COL23A1: variants seen among roughly 807,000 people sequenced by gnomAD.
The protein encoded by COL23A1 is collagen type XXIII alpha 1 chain.
COL23A1 carries 97 observed loss-of-function variants against 99.3 expected under a neutral mutation model. The ratio of observed to expected loss-of-function variants is 0.98; its 90% CI spans 0.83 to 1.16. COL23A1 has a LOEUF of 1.16. Among genes scored for constraint, COL23A1 ranks in the 50% most tolerant of loss-of-function variants. COL23A1 has a pLI of 0.00. For synonymous variants in COL23A1, 320 were observed against 308.2 expected (o/e 1.04, Z -0.40); for missense variants, 762 against 757.4 (o/e 1.01, Z -0.07).
rs1204479561 is a variant in COL23A1 at position 178,434,739 on chromosome 5, C to T, written c.361+125943G>A. ...CCTCCCCAACATCTCCACTTCACCG[C>T]TGAGGAAACTGAGGCCTGGGATGGT... On this transcript the variant is annotated intron_variant, in intron 2 of 28. Coordinates refer to ENST00000390654, the MANE Select transcript of COL23A1 (RefSeq NM_173465.4). The surrounding 1 kb of genome is among the most constrained non-coding windows in gnomAD (Gnocchi z 4.3). 2.6e-5 allele frequency among the ~76,000 whole-genome samples: 4 copies of T among 152,228 alleles called. No individual in the cohort carries two copies. The highest frequency in any genetic ancestry group is 9.6e-5 in the African/African-American group (4 of 41,456).
chr5:178,302,496 A>G (rs986760344), intron 3 of COL23A1, among the ~76,000 whole-genome samples: 3 of 152,232 alleles, frequency 2.0e-5, no homozygotes, highest in African/African-American at 7.2e-5. Flanking sequence ...TGTGTGCTGG[A>G]GCACGGCTTC....
At chr5:178,547,565 CCA>C (rs1443922471) in intron 2 of COL23A1, among the ~76,000 whole-genome samples, 2 of 81,536 alleles carry the variant, frequency 2.5e-5, no homozygotes, top group African/African-American at 1.0e-4. Context: ...ATACACACCC[CCA>C]CACACACCTA....
At chr5:178,256,285 G>A in intron 15 of COL23A1, 68 bp downstream of exon 15, 1 of 1,205,904 alleles carries the variant, frequency 8.3e-7, no homozygotes, top group Non-Finnish European at 1.1e-6. Flanking sequence ...TGTGGGGACA[G>A]GGGCTTCTGA....
chr5:178,454,220 C>T (rs1416724373), intron 2 of COL23A1, among the ~76,000 whole-genome samples: 1 of 138,898 alleles, frequency 7.2e-6, no homozygotes, highest in Non-Finnish European at 1.6e-5. Flanking sequence ...ACCAGGTTAA[C>T]AAAGCCAGGC....
intron 2 of COL23A1, among the ~76,000 whole-genome samples, chr5:178,410,685 T>C (rs1188737398): frequency 1.3e-5 from 2 of 152,186 alleles, no homozygotes; most frequent in Non-Finnish European, 2.9e-5. Context: ...AAAACACAGA[T>C]AAATCTTCAT....
chr5:178,505,352 C>A (rs1227838553), intron 2 of COL23A1, among the ~76,000 whole-genome samples: 4 of 152,034 alleles, frequency 2.6e-5, no homozygotes, highest in African/African-American at 9.7e-5. Flanking sequence ...CGGGTTCAAG[C>A]GATTCTCCTG....
intron 4 of COL23A1, among the ~76,000 whole-genome samples, chr5:178,288,908 C>T (rs1433695511): frequency 1.3e-5 from 2 of 152,190 alleles, no homozygotes; most frequent in African/African-American, 4.8e-5. Context: ...AGGTCAGACC[C>T]TTCCAGGTTG....
chr5:178,392,638 T>C (rs1764027432), intron 2 of COL23A1, among the ~76,000 whole-genome samples: 1 of 152,154 alleles, frequency 6.6e-6, no homozygotes, highest in African/African-American at 2.4e-5. Flanking sequence ...CAGCGGACAA[T>C]GGTCCCTGCT....
chr5:178,330,726 C>A (rs552956611), intron 2 of COL23A1, among the ~76,000 whole-genome samples: 2 of 152,116 alleles, frequency 1.3e-5, no homozygotes, highest in Non-Finnish European at 2.9e-5. Flanking sequence ...TCCCTTGACA[C>A]GTCTCTGTTC....
chr5:178,499,149 A>G (rs1758390113), intron 2 of COL23A1, among the ~76,000 whole-genome samples: 1 of 152,186 alleles, frequency 6.6e-6, no homozygotes, highest in African/African-American at 2.4e-5. Flanking sequence ...GACTAATATC[A>G]GCCAAAAAAG....
rs187349717 is a variant in COL23A1, at chr5:178,363,521, A to G, written c.362-56602T>C. Among the ~76,000 whole-genome samples the G allele has an allele frequency of 6.6e-5, 10 of 152,170 alleles. No homozygotes were observed. In the East Asian group the frequency reaches 1.9e-3, roughly 29 times the overall value. ...GTGTGACTATTAACCAACCAGCTAC[A>G]CTCCCAGCCAGACTCTGGTCCCAAA... On this transcript the variant is annotated intron_variant, in intron 2 of 28. Transcript: ENST00000390654.
Position 178,487,287 on chromosome 5 carries a change from G to GTTTTTTTTTTTT in COL23A1, c.361+73394_361+73395insAAAAAAAAAAAA, listed in dbSNP as rs778127626. ...GAAGGCAGTCATGGTACCAGCCTCA[G>GTTTTTTTTTTTT]TTTTATTTATTTATTTATTTATTTA... On this transcript the variant is annotated intron_variant, in intron 2 of 28. Coordinates refer to ENST00000390654, the MANE Select transcript of COL23A1 (RefSeq NM_173465.4). Among the ~76,000 whole-genome samples, 15 of 137,558 alleles carry GTTTTTTTTTTTT rather than the reference G, an allele frequency of 1.1e-4. 1 individual carries two copies. Among genetic ancestry groups the GTTTTTTTTTTTT allele is most frequent in the East Asian group, 2.0e-4 (1 of 4,910 alleles). 90.2% of individuals were successfully genotyped at this position (137,558 alleles called of 152,430 possible).
Position 178,249,169 on chromosome 5 carries a change from C to G in COL23A1, c.1097G>C (p.Gly366Ala). 1 of 1,614,194 alleles carries G rather than the reference C, an allele frequency of 6.2e-7. No homozygotes were observed. The highest frequency in any genetic ancestry group is 8.5e-7 in the Non-Finnish European group (1 of 1,179,976). Reference protein sequence around the residue: ...KGQKGDPGEPGPAGLKGEAGE... With the variant: ...KGQKGDPGEPAPAGLKGEAGE... ...TGCTTCCCCTTTGAGTCCTGCTGGC[C>G]CAGGCTCTCCTGGGTCTCCTTTCTG... is the stretch of plus-strand genomic sequence containing the variant. Residue 366 changes from glycine (G) to alanine (A), a missense_variant, in exon 19 of 29, where the codon GGG becomes GCG. Coordinates refer to ENST00000390654, the MANE Select transcript of COL23A1 (RefSeq NM_173465.4).
intron 2 of COL23A1, among the ~76,000 whole-genome samples, chr5:178,493,793 C>T (rs1758058905): frequency 6.6e-6 from 1 of 152,218 alleles, no homozygotes; most frequent in South Asian, 2.1e-4. Flanking sequence ...CCTCGGGGAC[C>T]ATCTTCCTGG....
At chr5:178,517,720 C>T (rs1399476812) in intron 2 of COL23A1, among the ~76,000 whole-genome samples, 1 of 129,416 alleles carries the variant, frequency 7.7e-6, no homozygotes, top group East Asian at 2.1e-4. Flanking sequence ...TGCCACCACG[C>T]CAAGCTAATT....
chr5:178,358,000 ATATG>A (rs746505969), intron 2 of COL23A1, among the ~76,000 whole-genome samples: 25 of 113,544 alleles, frequency 2.2e-4, no homozygotes, highest in African/African-American at 8.1e-4. Flanking sequence ...GCGTGTGTGT[ATATG>A]TATGTGTGTG....
chr5:178,330,007 A>T lies in COL23A1; in HGVS notation c.362-23088T>A, dbSNP rs143949870. On this transcript the variant is annotated intron_variant, in intron 2 of 28. Coordinates refer to ENST00000390654, the MANE Select transcript of COL23A1 (RefSeq NM_173465.4). Reference sequence around the variant, plus strand: ...CAGTGGCCTGCTCCCTGGTGTCCTCATCCCCTGTGACTATGGCGCCATCAG... The same window carrying T: ...CAGTGGCCTGCTCCCTGGTGTCCTCTTCCCCTGTGACTATGGCGCCATCAG... Among the ~76,000 whole-genome samples the T allele has an allele frequency of 2.9e-3, 433 of 151,822 alleles. 2 individuals are homozygous for T. The highest frequency in any genetic ancestry group is 9.0e-3 in the African/African-American group (374 of 41,404).
intron 1 of COL23A1, among the ~76,000 whole-genome samples, chr5:178,570,764 G>A (rs900988123): frequency 1.3e-5 from 2 of 152,146 alleles, no homozygotes; most frequent in East Asian, 1.9e-4. Context: ...GAGGGGGGAC[G>A]CGGGTGGTGC....
chr5:178,249,716 A>ACTCT (rs59946818), intron 18 of COL23A1, among the ~76,000 whole-genome samples: 9 of 92,748 alleles, frequency 9.7e-5, no homozygotes, highest in South Asian at 4.2e-4. Context: ...ACACACACAC[A>ACTCT]CTCTCTCTCT....
Sources: allele counts gnomAD v4.1 joint callset (sites outside exome capture counted in the v4.1 genomes callset), GRCh38; gene constraint gnomAD v4.1.1; non-coding constraint Gnocchi (gnomAD v3.1); transcripts MANE v1.5; gene names NCBI Gene and HGNC (gene_info 2026-07-23, HGNC 2026-07-21).